CDCA7L: variants seen among roughly 807,000 people sequenced by gnomAD.
CDCA7L encodes cell division cycle-associated 7-like protein.
Under a neutral mutation model 57.4 loss-of-function variants are expected in CDCA7L, and 44 were observed. That is an observed-to-expected ratio of 0.77 (90% CI 0.60 to 0.98). The LOEUF (loss-of-function observed/expected upper bound fraction) is 0.98, where lower values mean the gene tolerates loss of function less well. Ranked by LOEUF, CDCA7L falls within the 50% of genes least tolerant of loss-of-function variation. CDCA7L has a pLI of 0.00. For synonymous variants in CDCA7L, 236 were observed against 202.8 expected, an observed-to-expected ratio of 1.16 and a Z score of -1.39; for missense variants, 644 against 580.6, an observed-to-expected ratio of 1.11 and a Z score of -1.12.
intron 3 of CDCA7L, 113 bp from the exon 4 acceptor site, chr7:21,908,620 CTTCCCCTTCATATTATGAG>C: frequency 8.5e-7 from 1 of 1,172,960 alleles, no homozygotes. Flanking sequence ...AAATGAAAAG[CTTCCCCTTCATATTATGAG>C]TTCCCTCTGA....
intron 1 of CDCA7L, among the ~76,000 whole-genome samples, chr7:21,923,220 G>A (rs143936687): frequency 2.6e-4 from 40 of 152,304 alleles, no homozygotes; most frequent in Middle Eastern, 3.4e-3. Context: ...CAGGCATGGT[G>A]GTTCATACCT....
At chr7:21,916,620 A>G (rs564825913) in intron 2 of CDCA7L, 134 bp downstream of exon 2, 1 of 826,934 alleles carries the variant, frequency 1.2e-6, no homozygotes, top group Non-Finnish European at 1.9e-6. Context: ...AGACACAGAC[A>G]TAATGTTTCT....
intron 1 of CDCA7L, among the ~76,000 whole-genome samples, chr7:21,943,744 C>A (rs1228164455): frequency 6.6e-6 from 1 of 152,012 alleles, no homozygotes; most frequent in East Asian, 1.9e-4. Context: ...AAAAAAAAAC[C>A]CTGATCATCT....
At chr7:21,902,889 G>T in intron 9 of CDCA7L, 89 bp downstream of exon 9, 1 of 1,246,270 alleles carries the variant, frequency 8.0e-7, no homozygotes, top group Non-Finnish European at 1.1e-6. Flanking sequence ...TAAGTCACAC[G>T]GGAAGGCAAC....
intron 4 of CDCA7L, among the ~76,000 whole-genome samples, chr7:21,907,062 C>T (rs1785164570): frequency 6.6e-6 from 1 of 152,212 alleles, no homozygotes; most frequent in African/African-American, 2.4e-5. Flanking sequence ...TTATTTAGAA[C>T]TCCAAAAGTC....
chr7:21,908,364 G>A lies in CDCA7L; in HGVS notation c.447C>T (p.Pro149=). ...CTGGTTTGTTGGCCAGCTTCTTGGT[G>A]GGGAACTGAAAGGCTACTCGAAGAC... ...SIGLRVAFQF[P]TKKLANKPDK... Residue 149 remains proline, a synonymous_variant, in exon 4 of 10, where the codon CCC becomes CCT. Coordinates refer to ENST00000406877, the MANE Select transcript of CDCA7L (RefSeq NM_018719.5). 2 of 1,610,618 alleles carry A rather than the reference G, an allele frequency of 1.2e-6. No homozygotes were observed. The highest frequency in any genetic ancestry group is 1.7e-6 in the Non-Finnish European group (2 of 1,179,154).
At chr7:21,904,494 C>T (rs948332263) in intron 7 of CDCA7L, among the ~76,000 whole-genome samples, 2 of 150,632 alleles carry the variant, frequency 1.3e-5, no homozygotes, top group Non-Finnish European at 3.0e-5. Context: ...AAGTGAGCAG[C>T]GGACGGGCGA....
chr7:21,921,593 C>CGT (rs574964270), intron 1 of CDCA7L, among the ~76,000 whole-genome samples: 9 of 138,942 alleles, frequency 6.5e-5, no homozygotes, highest in Non-Finnish European at 1.4e-4. Context: ...AATGCAAGAC[C>CGT]TTTTTTTTTT....
Position 21,908,159 on chromosome 7 carries a change from T to A in CDCA7L, c.652A>T (p.Thr218Ser), listed in dbSNP as rs1209896700. The A allele has an allele frequency of 1.3e-6, 2 of 1,576,504 alleles. No individual in the cohort carries two copies. The highest frequency in any genetic ancestry group is 4.5e-5 in the East Asian group (2 of 44,414). ...QESSDALLKR[T>S]MNIKENKAML... ...GCTTTGTTCTCCTTGATGTTCATGG[T>A]CCTTTTCAGCAAAGCATCTGAACTC... is the stretch of plus-strand genomic sequence containing the variant. Residue 218 changes from threonine to serine, a missense_variant, in exon 4 of 10, where the codon ACC becomes TCC. Physicochemically the swap from Thr to Ser is moderately conservative, Grantham distance 58. Transcript: ENST00000406877.
chr7:21,938,276 C>T (rs1357094249), intron 1 of CDCA7L, among the ~76,000 whole-genome samples: 1 of 152,004 alleles, frequency 6.6e-6, no homozygotes, highest in African/African-American at 2.4e-5. Flanking sequence ...GTACAGGTGA[C>T]CAACGGGCAC....
intron 2 of CDCA7L, among the ~76,000 whole-genome samples, chr7:21,912,737 C>G (rs1164430718): frequency 6.6e-6 from 1 of 152,202 alleles, no homozygotes; most frequent in Non-Finnish European, 1.5e-5. Context: ...AAAGCTCATT[C>G]AAGGTCACCC....
chr7:21,900,902 G>C lies in CDCA7L; in HGVS notation c.*1420C>G. ...AAATACCACTGACAAGCAAAAATATGACAAAACCAGAATGTTGAATGTTTA... is the reference window on the plus strand; with the variant it reads ...AAATACCACTGACAAGCAAAAATATCACAAAACCAGAATGTTGAATGTTTA... On this transcript the variant is annotated 3_prime_UTR_variant, in exon 10 of 10. Coordinates refer to ENST00000406877, the MANE Select transcript of CDCA7L (RefSeq NM_018719.5). 1 of 1,476,268 alleles carries C rather than the reference G, an allele frequency of 6.8e-7. No individual in the cohort carries two copies. The highest frequency in any genetic ancestry group is 2.3e-5 in the East Asian group (1 of 42,754). 91.4% of individuals were successfully genotyped at this position (1,476,268 alleles called of 1,614,324 possible). A position where few individuals can be genotyped will look rare whatever the true frequency, so the allele number is the denominator to read the frequency against.
At chr7:21,932,362 G>C (rs1170656119) in intron 1 of CDCA7L, among the ~76,000 whole-genome samples, 1 of 152,098 alleles carries the variant, frequency 6.6e-6, no homozygotes, top group Non-Finnish European at 1.5e-5. Context: ...TAAGCAAAAA[G>C]AACAAAGCTA....
chr7:21,905,847 G>A (rs1394347162), intron 6 of CDCA7L: 2 of 541,902 alleles, frequency 3.7e-6, no homozygotes, highest in Admixed American at 6.9e-5. Flanking sequence ...GGAACTCAAG[G>A]TTTTTGGTTC....
intron 1 of CDCA7L, 93 bp from the exon 2 acceptor site, chr7:21,916,987 TC>T: frequency 6.9e-7 from 1 of 1,439,856 alleles, no homozygotes; most frequent in Non-Finnish European, 9.6e-7. Context: ...TCTCATCACT[TC>T]ATCCAACTGC....
chr7:21,905,040 G>C (rs1371341517), intron 7 of CDCA7L, among the ~76,000 whole-genome samples: 1 of 151,966 alleles, frequency 6.6e-6, no homozygotes, highest in Admixed American at 6.5e-5. Context: ...AAACTTGACA[G>C]TGTCCCGTTA....
At chr7:21,935,598 G>GGA (rs76368252) in intron 1 of CDCA7L, among the ~76,000 whole-genome samples, 24 of 150,168 alleles carry the variant, frequency 1.6e-4, no homozygotes, top group African/African-American at 5.1e-4. Context: ...TTTATTCTTT[G>GGA]AAAAAAAAAA....
At chr7:21,915,158 A>G (rs1242311336) in intron 2 of CDCA7L, among the ~76,000 whole-genome samples, 1 of 152,174 alleles carries the variant, frequency 6.6e-6, no homozygotes, top group East Asian at 1.9e-4. Flanking sequence ...GATGGACACC[A>G]GGAACACAGC....
At position 21,922,956 on chromosome 7, in the gene CDCA7L, C is replaced by CCTAG. The variant is rs1216075490; in HGVS notation, c.25-6066_25-6063dup. On this transcript the variant is annotated intron_variant, in intron 1 of 9. Coordinates refer to ENST00000406877, the MANE Select transcript of CDCA7L (RefSeq NM_018719.5). ...GGTATGATTCTACTTATAACAGGTA[C>CCTAG]CTAGAGTGGTTGAATCCTCGGAGAC... is the stretch of plus-strand genomic sequence containing the variant. Among the ~76,000 whole-genome samples, 6 of 152,178 alleles carry CCTAG rather than the reference C, an allele frequency of 3.9e-5. No individual in the cohort carries two copies. In the South Asian group the frequency reaches 6.3e-4, roughly 16 times the overall value.
Sources: allele counts gnomAD v4.1 joint callset (sites outside exome capture counted in the v4.1 genomes callset), GRCh38; gene constraint gnomAD v4.1.1; transcripts MANE v1.5; gene names NCBI Gene and HGNC (gene_info 2026-07-23, HGNC 2026-07-21).